EMB: variants seen among roughly 807,000 people sequenced by gnomAD.
EMB encodes the protein embigin homolog.
A neutral mutation model predicts 41.4 loss-of-function variants in EMB; 31 were observed. That is an observed-to-expected ratio of 0.75 (90% CI 0.56 to 1.01). The LOEUF (loss-of-function observed/expected upper bound fraction) is 1.01, where lower values mean the gene tolerates loss of function less well. EMB is among the 50% of genes least tolerant of loss of function. The pLI, the probability that EMB is intolerant of heterozygous loss-of-function variation, is 0.00. For missense variants in EMB, 379 were observed against 388.3 expected (o/e 0.98, Z 0.20); for synonymous variants, 137 against 140.4 (o/e 0.98, Z 0.17).
chr5:50,416,890 C>T (rs1411500352), intron 2 of EMB, among the ~76,000 whole-genome samples: 3 of 152,222 alleles, frequency 2.0e-5, no homozygotes, highest in Non-Finnish European at 4.4e-5. Context: ...AAGTTACCTT[C>T]TGTTTTCTAG....
intron 4 of EMB, among the ~76,000 whole-genome samples, chr5:50,407,774 G>C (rs7712849): frequency 0.41 from 62,342 of 151,750 alleles, 13,665 homozygotes; most frequent in African/African-American, 0.57. Context: ...TTTGCATAAA[G>C]TAGGATGCAT....
chr5:50,430,075 T>C (rs1382519813), intron 1 of EMB, among the ~76,000 whole-genome samples: 1 of 151,952 alleles, frequency 6.6e-6, no homozygotes, highest in Admixed American at 6.6e-5. Flanking sequence ...AAATGTTATT[T>C]TCCTAATGAA....
At chr5:50,413,611 C>T (rs1345173966) in intron 2 of EMB, among the ~76,000 whole-genome samples, 3 of 148,562 alleles carry the variant, frequency 2.0e-5, no homozygotes, top group Non-Finnish European at 3.0e-5. Context: ...GATGGAGCCT[C>T]GTTGCCCAGG....
chr5:50,422,011 G>A (rs569461471), intron 2 of EMB, among the ~76,000 whole-genome samples: 7 of 151,860 alleles, frequency 4.6e-5, no homozygotes, highest in African/African-American at 9.7e-5. Context: ...AAATCTGCAC[G>A]TTGTGCACAT....
chr5:50,441,640 G>A (rs537799631), upstream of EMB, among the ~76,000 whole-genome samples: 3 of 152,284 alleles, frequency 2.0e-5, no homozygotes, highest in South Asian at 6.2e-4. Context: ...GCTTTCTTAC[G>A]AGGGAGGCTT....
chr5:50,430,010 C>T (rs1470965681), intron 1 of EMB, among the ~76,000 whole-genome samples: 1 of 151,116 alleles, frequency 6.6e-6, no homozygotes, highest in African/African-American at 2.4e-5. Flanking sequence ...CTCTCTCACA[C>T]ACACACACAC....
At chr5:50,432,477 C>CA (rs952300980) in intron 1 of EMB, among the ~76,000 whole-genome samples, 46 of 152,098 alleles carry the variant, frequency 3.0e-4, no homozygotes, top group Admixed American at 1.2e-3. Context: ...TATATTTCTT[C>CA]ATGGAAGCAA....
chr5:50,419,270 C>T (rs1579732400), intron 2 of EMB, among the ~76,000 whole-genome samples: 3 of 152,298 alleles, frequency 2.0e-5, no homozygotes, highest in South Asian at 2.1e-4. Flanking sequence ...CAAGCCATAA[C>T]AACTTGCCTC....
chr5:50,412,022 T>A (rs887039416), intron 2 of EMB: 3 of 152,108 alleles, frequency 2.0e-5, no homozygotes, highest in African/African-American at 7.2e-5. Flanking sequence ...CTTTTTGACT[T>A]TCAAAATAGA....
At chr5:50,426,211 T>C (rs1163852774) in intron 2 of EMB, among the ~76,000 whole-genome samples, 3 of 152,222 alleles carry the variant, frequency 2.0e-5, no homozygotes, top group East Asian at 1.9e-4. Context: ...GCTGCCTGCA[T>C]TGAAAACCAT....
chr5:50,435,418 T>C (rs1485052284), intron 1 of EMB, among the ~76,000 whole-genome samples: 1 of 152,218 alleles, frequency 6.6e-6, no homozygotes, highest in Non-Finnish European at 1.5e-5. Flanking sequence ...GAATCACACA[T>C]TGCCGTTGGC....
At position 50,437,785 on chromosome 5, in the gene EMB, T is replaced by C. The variant is rs1745828967; in HGVS notation, c.112+3255A>G. 2.6e-5 allele frequency among the ~76,000 whole-genome samples: 4 copies of C among 152,154 alleles called. No individual in the cohort carries two copies. The South Asian group carries it at 8.3e-4, about 32-fold the overall frequency. ...TAGGGAAGGGGGTTCATAAAGGGAA[T>C]GCAAAAGCCACGTCCTCTGGAAGTT... On this transcript the variant is annotated intron_variant, in intron 1 of 8. Transcript: ENST00000303221.
At chr5:50,427,196 C>T (rs1745625679) in intron 2 of EMB, among the ~76,000 whole-genome samples, 1 of 152,130 alleles carries the variant, frequency 6.6e-6, no homozygotes. Context: ...AAGACCATTC[C>T]ACTCTCTGTG....
intron 4 of EMB, among the ~76,000 whole-genome samples, chr5:50,408,828 C>G (rs979061219): frequency 8.6e-5 from 13 of 152,014 alleles, no homozygotes; most frequent in African/African-American, 2.9e-4. Flanking sequence ...CCATAATGTA[C>G]AGATGTCTTT....
chr5:50,410,867 T>G lies in EMB; in HGVS notation c.472+10A>C, dbSNP rs778484226. The G allele has an allele frequency of 2.6e-6, 4 of 1,527,890 alleles. No individual in the cohort carries two copies. The highest frequency in any genetic ancestry group is 2.3e-5 in the East Asian group (1 of 43,858). 94.6% of individuals were successfully genotyped at this position (1,527,890 alleles called of 1,614,324 possible). On this transcript the variant is annotated intron_variant, in intron 4 of 8. Coordinates refer to ENST00000303221, the MANE Select transcript of EMB (RefSeq NM_198449.3). ...AGTTATTAACTATTCCTCAAGTTAT[T>G]AATACTGACCTTTGAAATTAAATGT...
Position 50,436,999 on chromosome 5 carries a change from C to T in EMB, c.112+4041G>A, listed in dbSNP as rs911009054. On this transcript the variant is annotated intron_variant, in intron 1 of 8. Transcript: ENST00000303221. ...TTAAAAGTAGGCTTAGGCTGGGCAC[C>T]GTAGCTCTCGCCTATAATCCCAACA... Among the ~76,000 whole-genome samples, 32 of 152,140 alleles carry T rather than the reference C, an allele frequency of 2.1e-4. 1 individual carries two copies. The highest frequency in any genetic ancestry group is 2.1e-3 in the Admixed American group (32 of 15,276).
chr5:50,430,807 G>T (rs1745709288), intron 1 of EMB, among the ~76,000 whole-genome samples: 1 of 152,156 alleles, frequency 6.6e-6, no homozygotes, highest in Non-Finnish European at 1.5e-5. Flanking sequence ...ATTCCAGGAA[G>T]ATGAGCTCCA....
intron 2 of EMB, among the ~76,000 whole-genome samples, chr5:50,422,175 TAATGA>T (rs1268133846): frequency 6.6e-6 from 1 of 152,082 alleles, no homozygotes; most frequent in Non-Finnish European, 1.5e-5. Flanking sequence ...ACCAAGAAAT[TAATGA>T]AATAAAATAG....
Position 50,398,886 on chromosome 5 carries a change from T to A in EMB, c.*387A>T, listed in dbSNP as rs972255873. The A allele has an allele frequency of 1.3e-5, 2 of 155,922 alleles. No individual in the cohort carries two copies. The highest frequency in any genetic ancestry group is 4.8e-5 in the African/African-American group (2 of 41,604). 9.7% of individuals were successfully genotyped at this position (155,922 alleles called of 1,614,324 possible). A position where few individuals can be genotyped will look rare whatever the true frequency, so the allele number is the denominator to read the frequency against. ...GTAAGTATGATTTTTTTTTAAAAAA[T>A]AACTTTCTAAGACAAATGGCAAAGG... On this transcript the variant is annotated 3_prime_UTR_variant, in exon 9 of 9. Coordinates refer to ENST00000303221, the MANE Select transcript of EMB (RefSeq NM_198449.3).
Sources: allele counts gnomAD v4.1 joint callset (sites outside exome capture counted in the v4.1 genomes callset), GRCh38; gene constraint gnomAD v4.1.1; transcripts MANE v1.5; gene names NCBI Gene and HGNC (gene_info 2026-07-23, HGNC 2026-07-21).